The following DSCAM variants were observed in gnomAD, a reference collection of about 807,000 sequenced individuals.
The protein encoded by DSCAM is DS cell adhesion molecule, also known as cell adhesion molecule DSCAM.
A neutral mutation model predicts 217.7 loss-of-function variants in DSCAM; 47 were observed. The observed-to-expected ratio is 0.22, with a 90% confidence interval of 0.17 to 0.28. The LOEUF is 0.28. Ranked by LOEUF, DSCAM falls within the 10% of genes least tolerant of loss-of-function variation. DSCAM has a pLI of 1.00. For missense variants in DSCAM, 2,080 were observed against 2,618.3 expected (o/e 0.79, Z 4.49); for synonymous variants, 1,056 against 1,015.3 (o/e 1.04, Z -0.76).
At chr21:40,802,902 A>C (rs1224525292) in intron 1 of DSCAM, among the ~76,000 whole-genome samples, 1 of 152,218 alleles carries the variant, frequency 6.6e-6, no homozygotes, top group Non-Finnish European at 1.5e-5. Flanking sequence ...AGACTAATAC[A>C]GACATGGATA....
chr21:40,102,279 T>C (rs1318920235), intron 20 of DSCAM, among the ~76,000 whole-genome samples: 4 of 152,134 alleles, frequency 2.6e-5, no homozygotes, highest in African/African-American at 7.2e-5. Flanking sequence ...TATAGCAAGG[T>C]TTTACAAGAC....
chr21:40,532,914 A>ATG (rs1568883988), intron 3 of DSCAM, among the ~76,000 whole-genome samples: 1 of 150,912 alleles, frequency 6.6e-6, no homozygotes, highest in African/African-American at 2.4e-5. Flanking sequence ...GTGTGTGCAC[A>ATG]CGCACGCGCA....
intron 3 of DSCAM, among the ~76,000 whole-genome samples, chr21:40,493,659 C>T (rs1383698520): frequency 6.6e-6 from 1 of 151,380 alleles, no homozygotes; most frequent in African/African-American, 2.4e-5. Context: ...GTCAGGAGTT[C>T]GAGACCAGCC....
intron 11 of DSCAM, among the ~76,000 whole-genome samples, chr21:40,241,375 A>G (rs2073150484): frequency 6.6e-6 from 1 of 152,232 alleles, no homozygotes. Flanking sequence ...TAGCCAACAA[A>G]TATATGAAAA....
intron 15 of DSCAM, among the ~76,000 whole-genome samples, chr21:40,173,195 G>A (rs2090677955): frequency 6.6e-6 from 1 of 152,132 alleles, no homozygotes; most frequent in Non-Finnish European, 1.5e-5. Flanking sequence ...CAGTACACTG[G>A]GTGCTGATAC....
intron 1 of DSCAM, among the ~76,000 whole-genome samples, chr21:40,758,520 A>AC (rs1403929136): frequency 6.6e-6 from 1 of 151,614 alleles, no homozygotes; most frequent in East Asian, 1.9e-4. Context: ...CTGTCTCAAA[A>AC]AAAAAAAAAA....
At chr21:40,738,752 A>G (rs1335098703) in intron 1 of DSCAM, among the ~76,000 whole-genome samples, 2 of 152,244 alleles carry the variant, frequency 1.3e-5, no homozygotes, top group Admixed American at 6.5e-5. Context: ...TGATGCTGCC[A>G]GTCAGGGGAC....
At chr21:40,759,393 C>A (rs2091307892) in intron 1 of DSCAM, among the ~76,000 whole-genome samples, 1 of 152,154 alleles carries the variant, frequency 6.6e-6, no homozygotes, top group Non-Finnish European at 1.5e-5. Flanking sequence ...CCCCTGGAAT[C>A]TTTTCAGGCT....
intron 3 of DSCAM, among the ~76,000 whole-genome samples, chr21:40,643,204 C>T (rs2089904261): frequency 6.6e-6 from 1 of 152,186 alleles, no homozygotes; most frequent in Non-Finnish European, 1.5e-5. Flanking sequence ...GTTTTTCCTA[C>T]TGTCTTGAAC....
At chr21:40,233,222 A>T (rs1024463551) in intron 11 of DSCAM, among the ~76,000 whole-genome samples, 2 of 152,140 alleles carry the variant, frequency 1.3e-5, no homozygotes, top group Non-Finnish European at 2.9e-5. Flanking sequence ...AATTTACGAG[A>T]TACATACATA....
chr21:40,644,475 C>T (rs1202496422), intron 3 of DSCAM, among the ~76,000 whole-genome samples: 3 of 152,112 alleles, frequency 2.0e-5, no homozygotes, highest in Non-Finnish European at 4.4e-5. Context: ...CAGGCCATGC[C>T]CTCACTCCTG....
At chr21:40,686,984 A>G (rs2090486229) in intron 3 of DSCAM, among the ~76,000 whole-genome samples, 1 of 152,196 alleles carries the variant, frequency 6.6e-6, no homozygotes, top group Non-Finnish European at 1.5e-5. Context: ...TTCACTCCCA[A>G]AAATATAGCA....
At chr21:40,238,352 C>T (rs2073105305) in intron 11 of DSCAM, among the ~76,000 whole-genome samples, 1 of 152,166 alleles carries the variant, frequency 6.6e-6, no homozygotes, top group Non-Finnish European at 1.5e-5. Flanking sequence ...GAAAATGGGC[C>T]AGACTTTGGC....
intron 3 of DSCAM, among the ~76,000 whole-genome samples, chr21:40,576,745 A>C (rs997906280): frequency 4.6e-5 from 7 of 152,096 alleles, no homozygotes; most frequent in African/African-American, 1.7e-4. Context: ...GAAGCCCCAT[A>C]GGAGCACAAT....
At chr21:40,276,930 G>A (rs543448589) in intron 10 of DSCAM, among the ~76,000 whole-genome samples, 1 of 151,978 alleles carries the variant, frequency 6.6e-6, no homozygotes, top group South Asian at 2.1e-4. Flanking sequence ...CTATTATAAT[G>A]AATGTGGTAT....
intron 3 of DSCAM, among the ~76,000 whole-genome samples, chr21:40,653,316 T>C (rs867680458): frequency 1.3e-5 from 2 of 152,314 alleles, no homozygotes; most frequent in Middle Eastern, 3.4e-3. Flanking sequence ...AGAAAAAAGA[T>C]GGCTGCTTTG....
At chr21:40,560,195 G>A (rs901020966) in intron 3 of DSCAM, among the ~76,000 whole-genome samples, 3 of 152,128 alleles carry the variant, frequency 2.0e-5, no homozygotes, top group Admixed American at 1.3e-4. Context: ...GGCAGCATTT[G>A]CAGGGAGACC....
chr21:40,333,459 G>A (rs975373125), intron 8 of DSCAM, among the ~76,000 whole-genome samples: 2 of 152,068 alleles, frequency 1.3e-5, no homozygotes, highest in Non-Finnish European at 2.9e-5. Context: ...CCGCCTCCTG[G>A]GTTCAAGCCA....
intron 24 of DSCAM, among the ~76,000 whole-genome samples, chr21:40,082,600 A>G (rs1300223253): frequency 1.3e-5 from 2 of 151,966 alleles, no homozygotes; most frequent in African/African-American, 4.8e-5. Context: ...TGTGCATTCC[A>G]CAAGGCAGCT....
Sources: gnomAD v4.1 joint callset for allele counts (sites outside exome capture counted in the v4.1 genomes callset) on GRCh38, gnomAD v4.1.1 for gene constraint, MANE v1.5 for transcripts, NCBI Gene and HGNC (gene_info 2026-07-23, HGNC 2026-07-21) for gene names.